Variants in NCKAP5 observed in about 807,000 individuals in gnomAD.
The protein encoded by NCKAP5 is nck-associated protein 5.
A neutral mutation model predicts 167.0 loss-of-function variants in NCKAP5; 92 were observed. That is an observed-to-expected ratio of 0.55 (90% CI 0.47 to 0.66). The LOEUF is 0.66. Ranked by LOEUF, NCKAP5 falls within the 30% of genes least tolerant of loss-of-function variation. The pLI is 0.00. For missense variants in NCKAP5, 2,378 were observed against 2,315.0 expected, an observed-to-expected ratio of 1.03 and a Z score of -0.56; for synonymous variants, 891 against 877.4, an observed-to-expected ratio of 1.02 and a Z score of -0.27.
intron 3 of NCKAP5, among the ~76,000 whole-genome samples, chr2:133,465,604 A>G (rs2151253949): frequency 6.7e-6 from 1 of 150,332 alleles, no homozygotes; most frequent in East Asian, 2.0e-4. Flanking sequence ...ACAATGGTTG[A>G]ACTAGTTTAC....
intron 11 of NCKAP5, among the ~76,000 whole-genome samples, chr2:132,804,304 C>T (rs1685265742): frequency 6.6e-6 from 1 of 152,154 alleles, no homozygotes; most frequent in South Asian, 2.1e-4. Flanking sequence ...TCAGCACAGC[C>T]TGAGCCTATT....
intron 8 of NCKAP5, among the ~76,000 whole-genome samples, chr2:132,893,296 A>G (rs955883756): frequency 6.6e-6 from 1 of 152,210 alleles, no homozygotes; most frequent in Admixed American, 6.5e-5. Flanking sequence ...CAGCAACGCC[A>G]TTGCTAGGTA....
chr2:133,657,745 C>T, the NCKAP5 span, among the ~76,000 whole-genome samples: 4 of 152,246 alleles, frequency 2.6e-5, no homozygotes, highest in South Asian at 2.1e-4. Flanking sequence ...GGGAATCACA[C>T]GACCTGCGGG....
At chr2:132,736,306 G>T (rs1421274190) in intron 16 of NCKAP5, among the ~76,000 whole-genome samples, 3 of 152,164 alleles carry the variant, frequency 2.0e-5, no homozygotes, top group Non-Finnish European at 4.4e-5. Context: ...GTTTCTTGCA[G>T]TTCATAAAAA....
intron 8 of NCKAP5, among the ~76,000 whole-genome samples, chr2:132,934,795 C>A (rs892799591): frequency 2.0e-5 from 3 of 152,160 alleles, no homozygotes; most frequent in African/African-American, 7.2e-5. Context: ...ATGTGATGTG[C>A]CATCTCTAAT....
the NCKAP5 span, among the ~76,000 whole-genome samples, chr2:133,650,125 G>A: frequency 6.6e-5 from 10 of 152,116 alleles, no homozygotes; most frequent in African/African-American, 9.6e-5. Flanking sequence ...CAATAGCACC[G>A]AAAAGAATAA....
intron 6 of NCKAP5, among the ~76,000 whole-genome samples, chr2:133,039,337 T>C (rs1240907495): frequency 6.6e-6 from 1 of 152,202 alleles, no homozygotes; most frequent in Non-Finnish European, 1.5e-5. Context: ...TAGGTGATGA[T>C]ATATTGTAGA....
chr2:133,640,211 C>G, the NCKAP5 span, among the ~76,000 whole-genome samples: 1 of 152,138 alleles, frequency 6.6e-6, no homozygotes, highest in East Asian at 1.9e-4. Flanking sequence ...ATGTATTAAG[C>G]TAAATGGTGG....
At chr2:133,137,436 GTGTGTGTGTGTGTGTT>G (rs1301665147) in intron 5 of NCKAP5, among the ~76,000 whole-genome samples, 1 of 142,846 alleles carries the variant, frequency 7.0e-6, no homozygotes, top group East Asian at 2.8e-4. Flanking sequence ...GTGTGTGTGT[GTGTGTGTGTGTGTGTT>G]TTGGAAAAGA....
chr2:133,422,160 G>C (rs1188952266), intron 3 of NCKAP5, among the ~76,000 whole-genome samples: 1 of 152,174 alleles, frequency 6.6e-6, no homozygotes, highest in South Asian at 2.1e-4. Context: ...TCCCAAAGAT[G>C]GCAACACTTA....
chr2:133,408,233 G>A (rs546101714), intron 3 of NCKAP5, among the ~76,000 whole-genome samples: 2 of 152,332 alleles, frequency 1.3e-5, no homozygotes, highest in African/African-American at 4.8e-5. Flanking sequence ...GCTCTCCTCT[G>A]TCCTCAAGGC....
At chr2:133,472,425 T>G (rs938693017) in intron 3 of NCKAP5, among the ~76,000 whole-genome samples, 8 of 152,114 alleles carry the variant, frequency 5.3e-5, no homozygotes, top group African/African-American at 1.9e-4. Flanking sequence ...AAGATCTTGG[T>G]GCAATGGAGT....
chr2:133,426,486 T>G (rs2151109307), intron 3 of NCKAP5, among the ~76,000 whole-genome samples: 1 of 151,660 alleles, frequency 6.6e-6, no homozygotes, highest in Middle Eastern at 3.4e-3. Context: ...CCAAATTTAT[T>G]TTAAGAAGCC....
chr2:133,341,072 T>C (rs1481069292), intron 3 of NCKAP5, among the ~76,000 whole-genome samples: 1 of 152,204 alleles, frequency 6.6e-6, no homozygotes, highest in African/African-American at 2.4e-5. Context: ...ATTCCATTAA[T>C]TCTATTTACC....
intron 5 of NCKAP5, among the ~76,000 whole-genome samples, chr2:133,146,256 G>A: frequency 6.6e-6 from 1 of 151,448 alleles, no homozygotes; most frequent in East Asian, 1.9e-4. Flanking sequence ...AAAATTAAAA[G>A]CAACATCTAG....
chr2:133,248,296 C>T (rs1048982493), intron 4 of NCKAP5, among the ~76,000 whole-genome samples: 4 of 152,200 alleles, frequency 2.6e-5, no homozygotes, highest in Admixed American at 1.3e-4. Context: ...AGAAGTTGGG[C>T]GTCTTCCACT....
intron 8 of NCKAP5, among the ~76,000 whole-genome samples, chr2:132,898,562 G>A (rs1693379596): frequency 6.6e-6 from 1 of 152,164 alleles, no homozygotes; most frequent in Non-Finnish European, 1.5e-5. Context: ...CTTATAAAAT[G>A]TCACTACTTA....
chr2:133,591,297 G>C, the NCKAP5 span, among the ~76,000 whole-genome samples: 1 of 152,210 alleles, frequency 6.6e-6, no homozygotes, highest in Non-Finnish European at 1.5e-5. Context: ...GGATGGCCGG[G>C]TTTCCCTTCC....
chr2:133,579,561 G>A, the NCKAP5 span, among the ~76,000 whole-genome samples: 1 of 152,144 alleles, frequency 6.6e-6, no homozygotes, highest in African/African-American at 2.4e-5. Flanking sequence ...GGCCAGCATA[G>A]GTCTGCATGT....
Sources: gnomAD v4.1 joint callset for allele counts (sites outside exome capture counted in the v4.1 genomes callset) on GRCh38, gnomAD v4.1.1 for gene constraint, MANE v1.5 for transcripts, NCBI Gene and HGNC (gene_info 2026-07-23, HGNC 2026-07-21) for gene names.